Variants in CLINT1 observed in about 807,000 individuals in gnomAD.
CLINT1 encodes the protein clathrin interacting protein localized in the trans-Golgi region.
A neutral mutation model predicts 70.4 loss-of-function variants in CLINT1; 15 were observed. The ratio of observed to expected loss-of-function variants is 0.21; its 90% CI spans 0.14 to 0.33. The LOEUF (loss-of-function observed/expected upper bound fraction) is 0.33. Among genes scored for constraint, CLINT1 ranks in the 10% least tolerant of loss-of-function variants. CLINT1 has a pLI of 1.00. For synonymous variants in CLINT1, 227 were observed against 254.7 expected (o/e 0.89, Z 1.04); for missense variants, 615 against 778.1 (o/e 0.79, Z 2.49).
chr5:157,835,760 G>A (rs1009275663), intron 1 of CLINT1, among the ~76,000 whole-genome samples: 2 of 152,100 alleles, frequency 1.3e-5, no homozygotes, highest in South Asian at 4.2e-4. Context: ...GGCATGACTA[G>A]AAAGACTTAT....
chr5:157,788,155 CTT>C, intron 11 of CLINT1, 163 bp from the exon 12 acceptor site: 1 of 677,138 alleles, frequency 1.5e-6, no homozygotes, highest in South Asian at 1.7e-5. Flanking sequence ...ACTGGTTCCT[CTT>C]GAGACATATA....
intron 3 of CLINT1, among the ~76,000 whole-genome samples, chr5:157,815,077 A>C (rs1251342512): frequency 1.3e-5 from 2 of 151,806 alleles, no homozygotes; most frequent in African/African-American, 4.8e-5. Context: ...TAATTTAAAC[A>C]ACCTGAAGGT....
At chr5:157,842,437 A>G (rs1462766052) in intron 1 of CLINT1, among the ~76,000 whole-genome samples, 2 of 152,218 alleles carry the variant, frequency 1.3e-5, no homozygotes, top group African/African-American at 4.8e-5. Context: ...AGGGTGATAC[A>G]GCGAGACTCC....
chr5:157,858,709 G>A (rs1344130953), intron 1 of CLINT1, among the ~76,000 whole-genome samples: 2 of 152,206 alleles, frequency 1.3e-5, no homozygotes, highest in African/African-American at 4.8e-5. Flanking sequence ...AGGAGAGAAG[G>A]GTGGCCAAGA....
intron 1 of CLINT1, among the ~76,000 whole-genome samples, chr5:157,819,592 C>G (rs887020895): frequency 6.6e-6 from 1 of 152,112 alleles, no homozygotes; most frequent in African/African-American, 2.4e-5. Flanking sequence ...TTTAAGATGC[C>G]ACAAAATGAT....
At chr5:157,808,526 A>AT (rs1561646764) in intron 6 of CLINT1, among the ~76,000 whole-genome samples, 1 of 152,122 alleles carries the variant, frequency 6.6e-6, no homozygotes, top group African/African-American at 2.4e-5. Flanking sequence ...TCTAGTAGAG[A>AT]TATTGTGAGG....
At position 157,787,801 on chromosome 5, in the gene CLINT1, T is replaced by G; in HGVS notation, c.1723A>C (p.Ser575Arg). 1 of 1,614,008 alleles carries G rather than the reference T, an allele frequency of 6.2e-7. No individual in the cohort carries two copies. The highest frequency in any genetic ancestry group is 8.5e-7 in the Non-Finnish European group (1 of 1,179,876). Residue 575 changes from serine (S) to arginine (R), a missense_variant, in exon 12 of 12, where the codon AGC becomes CGC. Around this residue, in one of 2 missense-constraint regions of CLINT1, gnomAD observed 374 missense variants for 409.6 expected, o/e 0.91. Transcript: ENST00000411809. ...PLGNTPMMNQ[S>R]MMGMNMNIGM... ...ATGTTCATGTTCATGCCCATCATGC[T>G]CTGGTTCATCATCGGAGTATTTCCA...
chr5:157,853,284 A>C (rs781606702), intron 1 of CLINT1, among the ~76,000 whole-genome samples: 5 of 151,794 alleles, frequency 3.3e-5, no homozygotes, highest in Admixed American at 6.6e-5. Flanking sequence ...GGCCAGTCGC[A>C]GTGAGTTGAG....
At chr5:157,825,572 T>C (rs1359608750) in intron 1 of CLINT1, among the ~76,000 whole-genome samples, 1 of 152,146 alleles carries the variant, frequency 6.6e-6, no homozygotes, top group African/African-American at 2.4e-5. Context: ...CTTTAAAACA[T>C]GGCAAACTGC....
At position 157,859,008 on chromosome 5, in the gene CLINT1, T is replaced by C. The variant is rs1312882032; in HGVS notation, c.-38A>G. 1.5e-5 allele frequency: 24 copies of C among 1,606,038 alleles called. No homozygotes were observed. The highest frequency in any genetic ancestry group is 2.0e-5 in the Non-Finnish European group (24 of 1,175,950). ...GGGACGGTCCGCCGCCTCCCTCTCCTGCTCCCCACGGACCCCGGAACACTT... is the reference window on the plus strand; with the variant it reads ...GGGACGGTCCGCCGCCTCCCTCTCCCGCTCCCCACGGACCCCGGAACACTT... On this transcript the variant is annotated 5_prime_UTR_variant, in exon 1 of 12. Transcript: ENST00000411809.
chr5:157,820,357 G>GCTC (rs1245279995), intron 1 of CLINT1, among the ~76,000 whole-genome samples: 3 of 152,172 alleles, frequency 2.0e-5, no homozygotes, highest in Non-Finnish European at 2.9e-5. Context: ...GCTGAGGTGG[G>GCTC]AGGACTGCAT....
chr5:157,799,463 T>C (rs79861370), intron 8 of CLINT1, among the ~76,000 whole-genome samples: 4,405 of 152,222 alleles, frequency 0.029, 96 homozygotes, highest in Middle Eastern at 0.048. Flanking sequence ...ACATTCAAAA[T>C]ATATTGCAAG....
intron 1 of CLINT1, among the ~76,000 whole-genome samples, chr5:157,817,824 C>T (rs1365160842): frequency 2.6e-5 from 4 of 151,912 alleles, no homozygotes; most frequent in African/African-American, 9.7e-5. Flanking sequence ...GGCTGAAGGT[C>T]AAATTAAAAA....
At chr5:157,814,018 T>C (rs1156955121) in intron 4 of CLINT1, among the ~76,000 whole-genome samples, 167 bp downstream of exon 4, 1 of 152,208 alleles carries the variant, frequency 6.6e-6, no homozygotes, top group Non-Finnish European at 1.5e-5. Context: ...CAAGTTCTTG[T>C]CTTCACTAAT....
chr5:157,817,406 A>AT (rs1180223041), intron 2 of CLINT1, 37 bp downstream of exon 2: 7 of 1,309,440 alleles, frequency 5.3e-6, no homozygotes, highest in Non-Finnish European at 6.5e-6. Context: ...AGATGCTTTG[A>AT]TTTTTTTCTG....
intron 1 of CLINT1, among the ~76,000 whole-genome samples, chr5:157,849,978 A>C (rs187599304): frequency 8.3e-4 from 127 of 152,372 alleles, no homozygotes; most frequent in Admixed American, 2.8e-3. Flanking sequence ...AGATGAATAC[A>C]TGTAACAGAG....
intron 10 of CLINT1, chr5:157,790,420 C>G (rs1761866446): frequency 3.3e-6 from 1 of 300,440 alleles, no homozygotes; most frequent in African/African-American, 2.2e-5. Context: ...AGCAGAGGTT[C>G]CTAGTGGTTA....
At chr5:157,819,512 C>G (rs1205603365) in intron 1 of CLINT1, among the ~76,000 whole-genome samples, 2 of 152,004 alleles carry the variant, frequency 1.3e-5, no homozygotes, top group Non-Finnish European at 2.9e-5. Flanking sequence ...TGTAGAAGAA[C>G]AATTTTCCTC....
chr5:157,787,429 A>G lies in CLINT1; in HGVS notation c.*217T>C, dbSNP rs1019461475. ...CCCACTTGTGGTCTATCCTCACTGG[A>G]AAAAAATGATTTTGACTGCCTCATC... On this transcript the variant is annotated 3_prime_UTR_variant, in exon 12 of 12. Coordinates refer to ENST00000411809, the MANE Select transcript of CLINT1 (RefSeq NM_014666.4). The G allele has an allele frequency of 7.0e-6, 4 of 572,878 alleles. No individual in the cohort carries two copies. Among genetic ancestry groups the G allele is most frequent in the Non-Finnish European group, 1.2e-5 (4 of 323,334 alleles). The allele number at this position is 572,878 out of a possible 1,614,324, so 35.5% of individuals were successfully genotyped here. A position where few individuals can be genotyped will look rare whatever the true frequency, so the allele number is the denominator to read the frequency against.
Sources: gnomAD v4.1 joint callset for allele counts (sites outside exome capture counted in the v4.1 genomes callset) on GRCh38, gnomAD v4.1.1 for gene constraint, gnomAD v4.1.1 regional missense constraint, MANE v1.5 for transcripts, NCBI Gene and HGNC (gene_info 2026-07-23, HGNC 2026-07-21) for gene names.